The following ADGRA2 variants were observed in gnomAD, a reference collection of about 807,000 sequenced individuals.
ADGRA2 encodes the protein G-protein coupled receptor 124.
Under a neutral mutation model 98.7 loss-of-function variants are expected in ADGRA2, and 61 were observed. The ratio of observed to expected loss-of-function variants is 0.62; its 90% CI spans 0.50 to 0.76. ADGRA2 has a LOEUF of 0.76. ADGRA2 is among the 30% of genes least tolerant of loss of function. The probability of loss-of-function intolerance (pLI) is 0.00; values close to 1 mark genes in which losing one functional copy is unlikely to be tolerated. For synonymous variants in ADGRA2, 858 were observed against 831.5 expected, an observed-to-expected ratio of 1.03 and a Z score of -0.55; for missense variants, 1,712 against 1,860.0, an observed-to-expected ratio of 0.92 and a Z score of 1.46.
At position 37,830,796 on chromosome 8, in the gene ADGRA2, T is replaced by C. The variant is rs1249948791; in HGVS notation, c.805T>C (p.Ser269Pro). Reference protein sequence around the residue: ...FQGDRLPFQCSASYLGNDTRI... With the variant: ...FQGDRLPFQCPASYLGNDTRI... ...GGGGGATCGGCTGCCCTTCCAGTGC[T>C]CTGCCAGCTACCTGGGCAACGACAC... Residue 269 changes from serine to proline, a missense_variant, in exon 7 of 19, where the codon TCT becomes CCT. Transcript: ENST00000412232. The surrounding 1 kb of genome is among the most constrained non-coding windows in gnomAD (Gnocchi z 4.8). 5.6e-6 allele frequency: 9 copies of C among 1,594,324 alleles called. No homozygotes were observed. Among genetic ancestry groups the C allele is most frequent in the Non-Finnish European group, 7.7e-6 (9 of 1,171,188 alleles).
chr8:37,811,170 T>TC (rs1490714302), intron 1 of ADGRA2, among the ~76,000 whole-genome samples: 1 of 89,416 alleles, frequency 1.1e-5, no homozygotes, highest in Non-Finnish European at 2.6e-5. Flanking sequence ...GTGTGTGTGT[T>TC]TTTTTTTTTT....
At position 37,831,348 on chromosome 8, in the gene ADGRA2, A is replaced by G. The variant is rs1209516310; in HGVS notation, c.933-75A>G. ...AAAAAGGACCTGCAGCTAGTGTTGT[A>G]GGACGGTGCTGAGGGAGGGCAACGT... On this transcript the variant is annotated intron_variant, in intron 7 of 18. Transcript: ENST00000412232. The G allele has an allele frequency of 6.5e-6, 9 of 1,387,926 alleles. No individual in the cohort carries two copies. The African/African-American group carries it at 7.1e-5, about 11-fold the overall frequency. 86.0% of individuals were successfully genotyped at this position (1,387,926 alleles called of 1,614,324 possible).
intron 2 of ADGRA2, 107 bp downstream of exon 2, chr8:37,815,074 C>A: frequency 1.2e-6 from 1 of 835,346 alleles, no homozygotes; most frequent in Non-Finnish European, 2.0e-6. Context: ...CAGAACCTGC[C>A]GGCCGAGCAG....
chr8:37,826,635 G>C (rs1230413629), intron 2 of ADGRA2, among the ~76,000 whole-genome samples: 1 of 152,190 alleles, frequency 6.6e-6, no homozygotes, highest in South Asian at 2.1e-4. Context: ...GGGAAGGGCT[G>C]TGCACAGTGT....
intron 16 of ADGRA2, 136 bp downstream of exon 16, chr8:37,839,758 T>G: frequency 8.9e-7 from 1 of 1,126,264 alleles, no homozygotes; most frequent in South Asian, 1.5e-5. Flanking sequence ...TGTGGCAGCC[T>G]TGGAAGGCAG....
chr8:37,841,631 C>A lies in ADGRA2; in HGVS notation c.3293C>A (p.Ala1098Asp). Residue 1098 changes from alanine to aspartate, a missense_variant, in exon 19 of 19, where the codon GCC (alanine) becomes GAC (aspartate). By Grantham distance (126) the Ala-to-Asp change is moderately radical. Coordinates refer to ENST00000412232, the MANE Select transcript of ADGRA2 (RefSeq NM_032777.10). The surrounding 1 kb of genome is among the most constrained non-coding windows in gnomAD (Gnocchi z 5.0). Reference protein sequence around the residue: ...SPAAPHAPPRALPAAAEDGSP... With the variant: ...SPAAPHAPPRDLPAAAEDGSP... Reference sequence around the variant, plus strand: ...GCGGCCCCCCATGCCCCGCCCCGGGCCCTGCCCGCCGCCGCAGAGGACGGT... The same window carrying A: ...GCGGCCCCCCATGCCCCGCCCCGGGACCTGCCCGCCGCCGCAGAGGACGGT... 3 of 1,528,106 alleles carry A rather than the reference C, an allele frequency of 2.0e-6. No homozygotes were observed. Among genetic ancestry groups the A allele is most frequent in the South Asian group, 1.2e-5 (1 of 80,056 alleles). The allele number at this position is 1,528,106 out of a possible 1,614,324, so 94.7% of individuals were successfully genotyped here.
Position 37,830,633 on chromosome 8 carries a change from CTGCTGG to C in ADGRA2, c.719-76_719-71del. ...GGGCCCCGCCCCGCCCCACCCCATC[CTGCTGG>C]ACTCTCGCTCACACGTGCAGCCTCA... On this transcript the variant is annotated intron_variant, in intron 6 of 18. Transcript: ENST00000412232. This position sits in a 1 kb window ranked among gnomAD's most constrained non-coding sequence, Gnocchi z 4.8. 1.4e-6 allele frequency: 1 copy of C among 736,758 alleles called. No homozygotes were observed. 45.6% of individuals were successfully genotyped at this position (736,758 alleles called of 1,614,324 possible).
intron 3 of ADGRA2, 58 bp from the exon 4 acceptor site, chr8:37,829,203 A>T (rs1419123714): frequency 4.6e-6 from 6 of 1,317,394 alleles, no homozygotes; most frequent in Non-Finnish European, 1.1e-6. Flanking sequence ...TGTTCCTCAC[A>T]AGTGGACCCA....
At chr8:37,839,193 A>G in intron 15 of ADGRA2, 110 bp downstream of exon 15, 1 of 1,441,736 alleles carries the variant, frequency 6.9e-7, no homozygotes, top group African/African-American at 1.4e-5. Flanking sequence ...CCAGCTTTGC[A>G]ATGGGGGAGG....
intron 13 of ADGRA2, among the ~76,000 whole-genome samples, chr8:37,836,915 CTGAG>C (rs1290333497): frequency 1.3e-5 from 2 of 152,334 alleles, no homozygotes; most frequent in South Asian, 2.1e-4. Flanking sequence ...GGGACACTCA[CTGAG>C]TATCTGGTAT....
Position 37,841,814 on chromosome 8 carries a change from C to T in ADGRA2, c.3476C>T (p.Pro1159Leu), listed in dbSNP as rs1323735168. The change falls in exon 19 of 19, where the codon CCG becomes CTG. Residue 1159 changes from proline (P) to leucine (L), a missense_variant. Pro to Leu is a moderately conservative substitution (Grantham distance 98, BLOSUM62 -3). Transcript: ENST00000412232. This position sits in a 1 kb window ranked among gnomAD's most constrained non-coding sequence, Gnocchi z 5.0. ...AGAAAGGEGE[P>L]EPAGTRGNLA... Reference sequence around the variant, plus strand: ...GCGGCGGCCGGCGGGGAAGGAGAGCCGGAGCCGGCGGGCACCCGGGGAAAC... The same window carrying T: ...GCGGCGGCCGGCGGGGAAGGAGAGCTGGAGCCGGCGGGCACCCGGGGAAAC... 3.3e-6 allele frequency: 5 copies of T among 1,530,264 alleles called. No individual in the cohort carries two copies. The highest frequency in any genetic ancestry group is 4.4e-6 in the Non-Finnish European group (5 of 1,143,898). The allele number at this position is 1,530,264 out of a possible 1,614,324, so 94.8% of individuals were successfully genotyped here. A position where few individuals can be genotyped will look rare whatever the true frequency, so the allele number is the denominator to read the frequency against.
intron 2 of ADGRA2, among the ~76,000 whole-genome samples, chr8:37,816,390 C>T (rs1585977484): frequency 6.6e-6 from 1 of 151,866 alleles, no homozygotes. Context: ...GTCAGGAGTT[C>T]GAGACTAACC....
rs1352471050 is a variant in ADGRA2, at chr8:37,835,273, G to A, written c.1708G>A (p.Gly570Ser). ...AFQRREGGVPGTRPGSPGQNP... is the reference protein window; with the variant it reads ...AFQRREGGVPSTRPGSPGQNP... ...CCAGAGGAGGGAGGGAGGGGTGCCG[G>A]GCACACGGCCAGGAAGCCCTGGCCA... Residue 570 changes from glycine (G) to serine (S), a missense_variant, in exon 12 of 19, where the codon GGC becomes AGC. Gly to Ser is a moderately conservative substitution (Grantham distance 56). Coordinates refer to ENST00000412232, the MANE Select transcript of ADGRA2 (RefSeq NM_032777.10). 1.2e-6 allele frequency: 2 copies of A among 1,613,764 alleles called. No homozygotes were observed. Among genetic ancestry groups the A allele is most frequent in the African/African-American group, 2.7e-5 (2 of 74,920 alleles).
intron 2 of ADGRA2, among the ~76,000 whole-genome samples, chr8:37,817,071 G>T (rs1347431575): frequency 1.3e-5 from 2 of 152,142 alleles, no homozygotes; most frequent in Non-Finnish European, 2.9e-5. Flanking sequence ...GTGACATGGT[G>T]TTGAGATCTC....
intron 8 of ADGRA2, among the ~76,000 whole-genome samples, chr8:37,831,875 A>G (rs1475814761): frequency 6.6e-6 from 1 of 152,212 alleles, no homozygotes; most frequent in Non-Finnish European, 1.5e-5. Flanking sequence ...CCTGGCCAAC[A>G]TGGCAAAACC....
At chr8:37,823,352 C>T (rs1452111201) in intron 2 of ADGRA2, among the ~76,000 whole-genome samples, 2 of 151,922 alleles carry the variant, frequency 1.3e-5, no homozygotes, top group Admixed American at 6.6e-5. Context: ...CAGGCACGCA[C>T]CACCATGCCT....
At chr8:37,828,291 C>G (rs1169310719) in intron 2 of ADGRA2, among the ~76,000 whole-genome samples, 1 of 152,178 alleles carries the variant, frequency 6.6e-6, no homozygotes, top group Non-Finnish European at 1.5e-5. Context: ...CCCCAGCGAC[C>G]TGCAGGGCAG....
rs1315066586 is a variant in ADGRA2 at position 37,802,082 on chromosome 8, TCTTCTG to T, written c.266+4551_266+4556del. Among the ~76,000 whole-genome samples the T allele has an allele frequency of 6.6e-6, 1 of 152,192 alleles. No individual in the cohort carries two copies. The highest frequency in any genetic ancestry group is 1.9e-4 in the East Asian group (1 of 5,200). On this transcript the variant is annotated intron_variant, in intron 1 of 18. Transcript: ENST00000412232. This position sits in a 1 kb window ranked among gnomAD's most constrained non-coding sequence, Gnocchi z 4.7. Reference sequence around the variant, plus strand: ...CAGGTGTGCCTAGCACGGGCTGGGTTCTTCTGCTGGGATTTCAGTGGTCTTTGTAGG... The same window carrying T: ...CAGGTGTGCCTAGCACGGGCTGGGTTCTGGGATTTCAGTGGTCTTTGTAGG...
At chr8:37,839,109 CGTG>C in intron 15 of ADGRA2, 26 bp downstream of exon 15, 2 of 1,605,804 alleles carry the variant, frequency 1.2e-6, no homozygotes, top group Non-Finnish European at 1.7e-6. Context: ...GGAGGGAGGG[CGTG>C]GTGGGCAGGC....
Sources: gnomAD v4.1 joint callset for allele counts (sites outside exome capture counted in the v4.1 genomes callset) on GRCh38, gnomAD v4.1.1 for gene constraint, Gnocchi (gnomAD v3.1) non-coding constraint, MANE v1.5 for transcripts, NCBI Gene and HGNC (gene_info 2026-07-23, HGNC 2026-07-21) for gene names.